The following TRPM3 variants were observed in gnomAD, a reference collection of about 807,000 sequenced individuals.
The protein encoded by TRPM3 is transient receptor potential cation channel subfamily M member 3, also known as long transient receptor potential channel 3.
Under a neutral mutation model 181.2 loss-of-function variants are expected in TRPM3, and 77 were observed. That is an observed-to-expected ratio of 0.42 (90% confidence interval 0.35 to 0.51). The LOEUF (loss-of-function observed/expected upper bound fraction) is 0.51. Ranked by LOEUF, TRPM3 falls within the 20% of genes least tolerant of loss-of-function variation. TRPM3 has a pLI of 0.01. For missense variants in TRPM3, 1,759 were observed against 2,196.7 expected (o/e 0.80, Z 3.98); for synonymous variants, 745 against 796.4 (o/e 0.94, Z 1.09).
chr9:70,839,847 T>C (rs879896216), intron 5 of TRPM3, among the ~76,000 whole-genome samples: 1 of 152,194 alleles, frequency 6.6e-6, no homozygotes, highest in Admixed American at 6.6e-5. Flanking sequence ...TTTTCTCTGC[T>C]ACCTGATGTC....
chr9:71,292,863 A>G (rs1202626294), intron 1 of TRPM3, among the ~76,000 whole-genome samples: 1 of 151,974 alleles, frequency 6.6e-6, no homozygotes, highest in East Asian at 1.9e-4. Context: ...AATCCTAATC[A>G]TTCACATATC....
intron 1 of TRPM3, among the ~76,000 whole-genome samples, chr9:71,416,429 C>A (rs1274269082): frequency 2.6e-5 from 4 of 151,754 alleles, no homozygotes; most frequent in African/African-American, 9.7e-5. Context: ...GCACAAACTG[C>A]TTAAAGATAT....
intron 11 of TRPM3, among the ~76,000 whole-genome samples, chr9:70,638,743 C>G (rs1277299129): frequency 1.3e-5 from 2 of 152,210 alleles, no homozygotes; most frequent in Admixed American, 1.3e-4. Context: ...CTAATTGCCT[C>G]TAACACCCTC....
intron 20 of TRPM3, among the ~76,000 whole-genome samples, chr9:70,599,529 A>G (rs998823447): frequency 1.3e-5 from 2 of 152,120 alleles, no homozygotes; most frequent in Non-Finnish European, 2.9e-5. Flanking sequence ...ACGTCCCATC[A>G]TATTCTCCTT....
At chr9:70,610,854 A>C in intron 18 of TRPM3, 105 bp from the exon 19 acceptor site, 3 of 1,365,868 alleles carry the variant, frequency 2.2e-6, no homozygotes, top group Non-Finnish European at 3.0e-6. Context: ...GAACCTAAGA[A>C]CCCAAGGCCC....
chr9:71,336,332 T>C (rs1376681513), intron 1 of TRPM3, among the ~76,000 whole-genome samples: 1 of 152,138 alleles, frequency 6.6e-6, no homozygotes, highest in Admixed American at 6.6e-5. Flanking sequence ...AGCCAAATCA[T>C]GAGTGAACTC....
At chr9:70,648,536 A>G (rs2059196878) in intron 9 of TRPM3, among the ~76,000 whole-genome samples, 1 of 152,168 alleles carries the variant, frequency 6.6e-6, no homozygotes, top group South Asian at 2.1e-4. Context: ...TAGCCAAAAC[A>G]ATCTTAAGCA....
chr9:71,194,646 T>C (rs768082617), intron 1 of TRPM3, among the ~76,000 whole-genome samples: 3 of 151,980 alleles, frequency 2.0e-5, no homozygotes, highest in Non-Finnish European at 4.4e-5. Flanking sequence ...GGTGAATTCC[T>C]ACTGCGTGAA....
At chr9:70,616,511 AT>A (rs5898153) in intron 17 of TRPM3, among the ~76,000 whole-genome samples, 115,435 of 125,874 alleles carry the variant, frequency 0.92, 53,376 homozygotes, top group Non-Finnish European at 0.98. Flanking sequence ...GTCCACTGGC[AT>A]TTTTTTTTTT....
At chr9:71,350,881 T>C (rs1047972709) in intron 1 of TRPM3, among the ~76,000 whole-genome samples, 2 of 152,156 alleles carry the variant, frequency 1.3e-5, no homozygotes, top group African/African-American at 4.8e-5. Context: ...GTGTGGAAGA[T>C]ATTTTGGGGA....
chr9:70,660,704 C>T (rs1449920850), intron 9 of TRPM3, among the ~76,000 whole-genome samples: 4 of 151,984 alleles, frequency 2.6e-5, no homozygotes, highest in African/African-American at 9.7e-5. Context: ...TGAATACATT[C>T]CTGAAAATAT....
intron 1 of TRPM3, among the ~76,000 whole-genome samples, chr9:71,364,688 AAG>A (rs1409999798): frequency 6.6e-6 from 1 of 152,206 alleles, no homozygotes; most frequent in Non-Finnish European, 1.5e-5. Flanking sequence ...AAGACAATAA[AAG>A]AGTATTTATA....
At chr9:70,657,810 T>C (rs2060579822) in intron 9 of TRPM3, among the ~76,000 whole-genome samples, 1 of 152,086 alleles carries the variant, frequency 6.6e-6, no homozygotes. Context: ...AAGACGCCGA[T>C]CAAAGTAAAC....
intron 1 of TRPM3, among the ~76,000 whole-genome samples, chr9:71,205,464 C>T (rs1504393): frequency 0.25 from 38,060 of 151,800 alleles, 5,659 homozygotes; most frequent in African/African-American, 0.4. Flanking sequence ...GTAGAGAGTG[C>T]GTAAGAAGGA....
intron 1 of TRPM3, among the ~76,000 whole-genome samples, chr9:71,263,523 G>T (rs1363996867): frequency 6.6e-6 from 1 of 152,124 alleles, no homozygotes; most frequent in African/African-American, 2.4e-5. Context: ...GATCTCCATG[G>T]AGGTGTCAGT....
At chr9:71,251,363 T>C (rs1243279301) in intron 1 of TRPM3, among the ~76,000 whole-genome samples, 1 of 152,230 alleles carries the variant, frequency 6.6e-6, no homozygotes, top group East Asian at 1.9e-4. Context: ...ATTAACTTTG[T>C]TCTGAGTTCA....
intron 1 of TRPM3, among the ~76,000 whole-genome samples, chr9:71,302,813 G>A (rs2086898837): frequency 6.6e-6 from 1 of 151,888 alleles, no homozygotes. Flanking sequence ...AAGAAAGAAG[G>A]AAGGAAGGAG....
At chr9:71,407,784 CACT>C (rs1230479168) in intron 1 of TRPM3, among the ~76,000 whole-genome samples, 1 of 152,192 alleles carries the variant, frequency 6.6e-6, no homozygotes, top group African/African-American at 2.4e-5. Flanking sequence ...TCAAGTAGGT[CACT>C]GACCCACAAG....
At chr9:70,835,312 CTT>C (rs34725105) in intron 5 of TRPM3, among the ~76,000 whole-genome samples, 79,738 of 150,496 alleles carry the variant, frequency 0.53, 21,586 homozygotes, top group Non-Finnish European at 0.56. Context: ...TTTTGAGGTA[CTT>C]TTTTTTTTTA....
Sources: gnomAD v4.1 joint callset for allele counts (sites outside exome capture counted in the v4.1 genomes callset) on GRCh38, gnomAD v4.1.1 for gene constraint, MANE v1.5 for transcripts, NCBI Gene and HGNC (gene_info 2026-07-23, HGNC 2026-07-21) for gene names.